Variants in PIGU observed in about 807,000 individuals in gnomAD.
The protein encoded by PIGU is phosphatidylinositol glycan anchor biosynthesis class U.
In PIGU, 24 loss-of-function variants were observed where a neutral mutation model predicts 49.9. That is an observed-to-expected ratio of 0.48 (90% confidence interval 0.35 to 0.68). The LOEUF (loss-of-function observed/expected upper bound fraction) is 0.68, where lower values mean the gene tolerates loss of function less well. Ranked by LOEUF, PIGU falls within the 30% of genes least tolerant of loss-of-function variation. PIGU has a pLI of 0.01. For missense variants in PIGU, 490 were observed against 532.6 expected, an observed-to-expected ratio of 0.92 and a Z score of 0.79; for synonymous variants, 220 against 205.7, an observed-to-expected ratio of 1.07 and a Z score of -0.59.
chr20:34,606,321 A>C (rs1165302081), intron 7 of PIGU, among the ~76,000 whole-genome samples: 1 of 151,586 alleles, frequency 6.6e-6, no homozygotes, highest in East Asian at 1.9e-4. Context: ...AAAATTTTCT[A>C]GTTGTCCCCC....
chr20:34,633,771 A>C (rs981578467), intron 6 of PIGU, among the ~76,000 whole-genome samples: 2 of 151,982 alleles, frequency 1.3e-5, no homozygotes, highest in African/African-American at 2.4e-5. Context: ...GGGTTTCACC[A>C]TGTTGGCAAG....
intron 7 of PIGU, among the ~76,000 whole-genome samples, chr20:34,596,671 G>A (rs1216227458): frequency 6.6e-6 from 1 of 152,030 alleles, no homozygotes; most frequent in Non-Finnish European, 1.5e-5. Context: ...TACAAGGCCA[G>A]TATAAAAAAA....
chr20:34,576,043 T>G (rs1331883132), intron 10 of PIGU, among the ~76,000 whole-genome samples: 2 of 152,138 alleles, frequency 1.3e-5, no homozygotes, highest in African/African-American at 4.8e-5. Context: ...CTTCCTCATC[T>G]GTAAACTGAG....
intron 1 of PIGU, among the ~76,000 whole-genome samples, chr20:34,664,508 G>T (rs1987026326): frequency 6.6e-6 from 1 of 151,934 alleles, no homozygotes; most frequent in South Asian, 2.1e-4. Flanking sequence ...AGACCAGCCT[G>T]GCCAACATGG....
chr20:34,560,779 G>A lies in PIGU; in HGVS notation c.*87C>T, dbSNP rs1022786558. 5.0e-5 allele frequency: 50 copies of A among 1,009,680 alleles called. No homozygotes were observed. Among genetic ancestry groups the A allele is most frequent in the African/African-American group, 4.7e-4 (28 of 59,710 alleles). 62.5% of individuals were successfully genotyped at this position (1,009,680 alleles called of 1,614,324 possible). A position where few individuals can be genotyped will look rare whatever the true frequency, so the allele number is the denominator to read the frequency against. On this transcript the variant is annotated 3_prime_UTR_variant, in exon 12 of 12. Coordinates refer to ENST00000217446, the MANE Select transcript of PIGU (RefSeq NM_080476.5). ...TCGAACCTCTTCTGCCCAAGCACTC[G>A]CCTGCTGGCAACTCTGGCTGGAGGG...
intron 6 of PIGU, among the ~76,000 whole-genome samples, chr20:34,619,945 T>C (rs1303045451): frequency 2.0e-5 from 3 of 152,172 alleles, no homozygotes; most frequent in Admixed American, 2.0e-4. Flanking sequence ...CTTCCACCAG[T>C]CACCAAGCCC....
chr20:34,591,007 C>T (rs1002417203), intron 7 of PIGU, among the ~76,000 whole-genome samples: 7 of 142,834 alleles, frequency 4.9e-5, no homozygotes, highest in South Asian at 2.2e-4. Context: ...GGCGACAGAG[C>T]GAGACTCCGT....
At chr20:34,651,525 GT>G (rs368124770) in intron 2 of PIGU, among the ~76,000 whole-genome samples, 13 of 149,478 alleles carry the variant, frequency 8.7e-5, no homozygotes, top group South Asian at 2.1e-4. Flanking sequence ...AGCAGATGTG[GT>G]TTTTTTTTTC....
chr20:34,666,768 C>G (rs1322478733), intron 1 of PIGU, among the ~76,000 whole-genome samples: 1 of 146,212 alleles, frequency 6.8e-6, no homozygotes, highest in Non-Finnish European at 1.5e-5. Flanking sequence ...GCGATCTCGG[C>G]TCACTGCAAA....
At chr20:34,628,327 G>GA (rs545398581) in intron 6 of PIGU, among the ~76,000 whole-genome samples, 1,916 of 151,188 alleles carry the variant, frequency 0.013, 52 homozygotes, top group African/African-American at 0.045. Flanking sequence ...CCACAAAAAG[G>GA]AAAAAAAATC....
chr20:34,645,246 A>G, intron 3 of PIGU, 29 bp downstream of exon 3: 6 of 1,517,956 alleles, frequency 4.0e-6, no homozygotes, highest in East Asian at 2.5e-5. Context: ...AAATATATAC[A>G]TATCAATTTT....
chr20:34,649,887 C>T (rs1986474545), intron 2 of PIGU, among the ~76,000 whole-genome samples: 1 of 132,830 alleles, frequency 7.5e-6, no homozygotes, highest in Admixed American at 8.6e-5. Context: ...CTCACTCTGT[C>T]ACCCAGGCTG....
At chr20:34,590,635 ACAC>A (rs1983926058) in intron 7 of PIGU, among the ~76,000 whole-genome samples, 2 of 151,828 alleles carry the variant, frequency 1.3e-5, no homozygotes, top group African/African-American at 4.8e-5. Flanking sequence ...ACATAACATA[ACAC>A]AACAACAAAA....
chr20:34,661,330 C>T (rs6058099), intron 1 of PIGU, among the ~76,000 whole-genome samples: 128,892 of 152,090 alleles, frequency 0.85, 54,805 homozygotes, highest in Admixed American at 0.92. Flanking sequence ...GCACAGTACC[C>T]GACAGGTAGC....
rs749053697 is a variant in PIGU, at chr20:34,634,720, G to A, written c.429-5C>T. ...GTGTAAGGATTTAAGAGATAGCTGGGGAAGAACAAACATATTTGGCATTAG... is the reference window on the plus strand; with the variant it reads ...GTGTAAGGATTTAAGAGATAGCTGGAGAAGAACAAACATATTTGGCATTAG... On this transcript the variant is annotated splice_region_variant and splice_polypyrimidine_tract_variant and intron_variant, in intron 5 of 11. Coordinates refer to ENST00000217446, the MANE Select transcript of PIGU (RefSeq NM_080476.5). The A allele has an allele frequency of 3.9e-5, 63 of 1,610,592 alleles. No individual in the cohort carries two copies. The highest frequency in any genetic ancestry group is 5.3e-5 in the Non-Finnish European group (62 of 1,177,682).
At chr20:34,612,934 T>C (rs936860444) in intron 7 of PIGU, among the ~76,000 whole-genome samples, 3 of 152,164 alleles carry the variant, frequency 2.0e-5, no homozygotes, top group Admixed American at 6.6e-5. Context: ...AGGCAGTTCA[T>C]AGCAGCGTAA....
chr20:34,566,729 T>C (rs1052561364), intron 11 of PIGU, among the ~76,000 whole-genome samples: 2 of 151,784 alleles, frequency 1.3e-5, no homozygotes, highest in African/African-American at 4.8e-5. Context: ...AAGTGAAGAG[T>C]TAGGGGCCAG....
intron 6 of PIGU, among the ~76,000 whole-genome samples, chr20:34,631,777 ATATATATATTTTTTTTTTTTTTTTTTT>A (rs1985777808): frequency 3.9e-4 from 1 of 2,580 alleles, no homozygotes; most frequent in Non-Finnish European, 6.1e-4. Flanking sequence ...ATATATATAT[ATATATATATTTTTTTTTTTTTTTTTTT>A]TTTTTTTTTT....
At chr20:34,598,788 C>T (rs1352148222) in intron 7 of PIGU, among the ~76,000 whole-genome samples, 8 of 152,184 alleles carry the variant, frequency 5.3e-5, no homozygotes, top group Non-Finnish European at 8.8e-5. Context: ...ACGCCTCAGG[C>T]GCCATCTCCA....
Sources: allele counts gnomAD v4.1 joint callset (sites outside exome capture counted in the v4.1 genomes callset), GRCh38; gene constraint gnomAD v4.1.1; transcripts MANE v1.5; gene names NCBI Gene and HGNC (gene_info 2026-07-23, HGNC 2026-07-21).